Variants in SH3RF3 observed in about 807,000 individuals in gnomAD.
SH3RF3 encodes SH3 domain containing ring finger 3, also known as E3 ubiquitin-protein ligase SH3RF3.
A neutral mutation model predicts 66.3 loss-of-function variants in SH3RF3; 29 were observed. The ratio of observed to expected loss-of-function variants is 0.44; its 90% CI spans 0.33 to 0.60. SH3RF3 has a LOEUF of 0.60. Ranked by LOEUF, SH3RF3 falls within the 20% of genes least tolerant of loss-of-function variation. The pLI is 0.04. For missense variants in SH3RF3, 1,194 were observed against 1,190.9 expected (o/e 1.00, Z -0.04); for synonymous variants, 583 against 532.0 (o/e 1.10, Z -1.32).
intron 3 of SH3RF3, among the ~76,000 whole-genome samples, chr2:109,377,374 C>T (rs966430909): frequency 4.6e-5 from 7 of 152,074 alleles, no homozygotes; most frequent in Non-Finnish European, 1.0e-4. Flanking sequence ...CTAGTCATCC[C>T]AGTGTCTGCT....
At chr2:109,490,492 A>G in intron 8 of SH3RF3, 113 bp from the exon 9 acceptor site, 1 of 951,188 alleles carries the variant, frequency 1.1e-6, no homozygotes, top group Non-Finnish European at 1.4e-6. Context: ...GTCTGAAAAA[A>G]TAAGAAATTT....
intron 8 of SH3RF3, among the ~76,000 whole-genome samples, chr2:109,487,909 A>G (rs1322793852): frequency 6.7e-6 from 1 of 150,306 alleles, no homozygotes; most frequent in Non-Finnish European, 1.5e-5. Flanking sequence ...AACAAAACAA[A>G]CACGACCCCT....
intron 4 of SH3RF3, 139 bp from the exon 5 acceptor site, chr2:109,419,400 G>A: frequency 1.2e-6 from 1 of 825,618 alleles, no homozygotes; most frequent in South Asian, 1.7e-5. Context: ...AGTCCAGGTA[G>A]GCACAGCACG....
At chr2:109,257,923 A>G (rs891423) in intron 1 of SH3RF3, among the ~76,000 whole-genome samples, 114,619 of 151,996 alleles carry the variant, frequency 0.75, 43,757 homozygotes, top group East Asian at 0.9. Flanking sequence ...TGGGCTCAGA[A>G]TGAATTAGAC....
At chr2:109,353,531 C>A (rs1682882950) in intron 2 of SH3RF3, among the ~76,000 whole-genome samples, 1 of 152,214 alleles carries the variant, frequency 6.6e-6, no homozygotes, top group South Asian at 2.1e-4. Flanking sequence ...CAAGGGGCGC[C>A]TGGAGGGACG....
At chr2:109,244,926 C>T (rs1049615809) in intron 1 of SH3RF3, among the ~76,000 whole-genome samples, 1 of 152,214 alleles carries the variant, frequency 6.6e-6, no homozygotes, top group African/African-American at 2.4e-5. Context: ...AGTTGGCTGG[C>T]CCTGAGCTTG....
At chr2:109,442,618 G>C (rs572733945) in intron 7 of SH3RF3, among the ~76,000 whole-genome samples, 10 of 152,212 alleles carry the variant, frequency 6.6e-5, no homozygotes, top group African/African-American at 2.2e-4. Context: ...GTATACTACT[G>C]TAACATTCTT....
At chr2:109,384,977 A>G (rs1675788051) in intron 3 of SH3RF3, among the ~76,000 whole-genome samples, 1 of 151,812 alleles carries the variant, frequency 6.6e-6, no homozygotes, top group South Asian at 2.1e-4. Flanking sequence ...ATAAATCTAG[A>G]CTCCTCACTG....
chr2:109,410,017 C>T (rs1460580451), intron 4 of SH3RF3, among the ~76,000 whole-genome samples: 1 of 152,188 alleles, frequency 6.6e-6, no homozygotes, highest in Non-Finnish European at 1.5e-5. Context: ...CCCCGTACAG[C>T]CTGCCAACGC....
intron 1 of SH3RF3, among the ~76,000 whole-genome samples, chr2:109,318,299 C>T (rs1466966625): frequency 6.6e-6 from 1 of 152,052 alleles, no homozygotes; most frequent in Non-Finnish European, 1.5e-5. Context: ...GACTGCTCCT[C>T]CTAGCGTGAC....
chr2:109,165,379 A>G (rs1677596748), intron 1 of SH3RF3, among the ~76,000 whole-genome samples: 1 of 152,084 alleles, frequency 6.6e-6, no homozygotes, highest in African/African-American at 2.4e-5. Flanking sequence ...CTGTCCATTG[A>G]CAGGGTGGTT....
intron 1 of SH3RF3, among the ~76,000 whole-genome samples, chr2:109,175,551 C>T (rs940932163): frequency 6.6e-6 from 1 of 152,154 alleles, no homozygotes; most frequent in Non-Finnish European, 1.5e-5. Flanking sequence ...TGAATGAGAC[C>T]AGCACTGTGG....
chr2:109,296,704 A>AT (rs1386156538), intron 1 of SH3RF3, among the ~76,000 whole-genome samples: 1 of 152,078 alleles, frequency 6.6e-6, no homozygotes, highest in Non-Finnish European at 1.5e-5. Flanking sequence ...GGCAGCAGAG[A>AT]TTCTGCAGAG....
At chr2:109,349,952 A>G (rs1252317248) in intron 2 of SH3RF3, among the ~76,000 whole-genome samples, 1 of 152,238 alleles carries the variant, frequency 6.6e-6, no homozygotes, top group Non-Finnish European at 1.5e-5. Flanking sequence ...TGTGTCGGGT[A>G]CTAGACCTGC....
intron 3 of SH3RF3, among the ~76,000 whole-genome samples, chr2:109,388,164 C>A (rs1218561897): frequency 6.6e-6 from 1 of 152,192 alleles, no homozygotes; most frequent in East Asian, 1.9e-4. Context: ...CACTTATGTC[C>A]TTTTGGTTGA....
At chr2:109,239,417 T>G (rs1679725977) in intron 1 of SH3RF3, among the ~76,000 whole-genome samples, 1 of 152,216 alleles carries the variant, frequency 6.6e-6, no homozygotes, top group Non-Finnish European at 1.5e-5. Flanking sequence ...AGGATACAGT[T>G]TTCTAGTGAA....
At chr2:109,233,206 T>A (rs1008738247) in intron 1 of SH3RF3, among the ~76,000 whole-genome samples, 1 of 152,180 alleles carries the variant, frequency 6.6e-6, no homozygotes, top group Non-Finnish European at 1.5e-5. Flanking sequence ...CTTGTCCTCT[T>A]GGTACCCAGG....
intron 1 of SH3RF3, among the ~76,000 whole-genome samples, chr2:109,163,123 G>T (rs1677528973): frequency 1.3e-5 from 2 of 152,188 alleles, no homozygotes; most frequent in African/African-American, 4.8e-5. Context: ...TTTCCACAGT[G>T]GAATTGCAGG....
At chr2:109,241,257 T>TGACAAC (rs112771952) in intron 1 of SH3RF3, among the ~76,000 whole-genome samples, 1 of 151,184 alleles carries the variant, frequency 6.6e-6, no homozygotes, top group African/African-American at 2.4e-5. Context: ...CCTAAGAATA[T>TGACAAC]AACAACAACA....
Sources: allele counts gnomAD v4.1 joint callset (sites outside exome capture counted in the v4.1 genomes callset), GRCh38; gene constraint gnomAD v4.1.1; transcripts MANE v1.5; gene names NCBI Gene and HGNC (gene_info 2026-07-23, HGNC 2026-07-21).